Variants in CACNA2D3 observed in about 807,000 individuals in gnomAD.
The protein encoded by CACNA2D3 is calcium voltage-gated channel auxiliary subunit alpha2delta 3.
In CACNA2D3, 60 loss-of-function variants were observed where a neutral mutation model predicts 160.6. The ratio of observed to expected loss-of-function variants is 0.37; its 90% CI spans 0.30 to 0.46. The LOEUF is 0.46. Among genes scored for constraint, CACNA2D3 ranks in the 20% least tolerant of loss-of-function variants. The pLI is 1.00. For missense variants in CACNA2D3, 1,205 were observed against 1,365.0 expected, an observed-to-expected ratio of 0.88 and a Z score of 1.85; for synonymous variants, 558 against 492.9, an observed-to-expected ratio of 1.13 and a Z score of -1.75.
chr3:54,337,952 C>G (rs1162929338), intron 3 of CACNA2D3, among the ~76,000 whole-genome samples: 5 of 152,220 alleles, frequency 3.3e-5, no homozygotes, highest in Non-Finnish European at 7.3e-5. Flanking sequence ...AAGACACAGG[C>G]TGCCACTTGC....
chr3:54,608,752 G>A (rs1466925554), intron 9 of CACNA2D3, among the ~76,000 whole-genome samples: 3 of 152,190 alleles, frequency 2.0e-5, no homozygotes, highest in East Asian at 1.9e-4. Flanking sequence ...ATTTCTTTGC[G>A]CAATAAAGTA....
intron 13 of CACNA2D3, among the ~76,000 whole-genome samples, chr3:54,779,066 G>A (rs1008705944): frequency 6.6e-6 from 1 of 151,944 alleles, no homozygotes; most frequent in East Asian, 1.9e-4. Context: ...TTTGCCCACC[G>A]TTATGATGTT....
At chr3:54,972,271 A>T (rs1273869792) in intron 29 of CACNA2D3, among the ~76,000 whole-genome samples, 1 of 152,190 alleles carries the variant, frequency 6.6e-6, no homozygotes, top group Non-Finnish European at 1.5e-5. Flanking sequence ...ACTTGATCTG[A>T]TGCTCAAATA....
At chr3:55,052,191 T>G (rs1361775336) in intron 35 of CACNA2D3, among the ~76,000 whole-genome samples, 2 of 152,184 alleles carry the variant, frequency 1.3e-5, no homozygotes, top group Non-Finnish European at 2.9e-5. Context: ...TCTTTGACCT[T>G]GAGGTTATTT....
chr3:54,392,154 C>T (rs891573191), intron 4 of CACNA2D3, among the ~76,000 whole-genome samples: 19 of 152,058 alleles, frequency 1.2e-4, no homozygotes, highest in African/African-American at 4.1e-4. Context: ...AACCCAATTC[C>T]AGGTGGAGAA....
chr3:54,832,420 G>A (rs1703901340), intron 14 of CACNA2D3, among the ~76,000 whole-genome samples: 1 of 152,104 alleles, frequency 6.6e-6, no homozygotes, highest in Admixed American at 6.5e-5. Context: ...AAAGGAAGTG[G>A]GTGATACCTG....
At chr3:55,037,856 A>G (rs759359216) in intron 35 of CACNA2D3, among the ~76,000 whole-genome samples, 1 of 152,236 alleles carries the variant, frequency 6.6e-6, no homozygotes, top group Admixed American at 6.5e-5. Flanking sequence ...GAAAGTAAAT[A>G]TATTTTATTA....
At chr3:54,336,094 C>G (rs2107522034) in intron 3 of CACNA2D3, among the ~76,000 whole-genome samples, 1 of 147,234 alleles carries the variant, frequency 6.8e-6, no homozygotes, top group Non-Finnish European at 1.5e-5. Flanking sequence ...CTAGAAGAAA[C>G]TCTGCCTCCT....
intron 17 of CACNA2D3, among the ~76,000 whole-genome samples, chr3:54,862,336 A>G (rs1316467479): frequency 1.3e-5 from 2 of 152,008 alleles, no homozygotes; most frequent in Non-Finnish European, 2.9e-5. Flanking sequence ...GAAAAGCAAA[A>G]CAAAATAAAG....
chr3:54,636,040 G>A (rs1177710428), intron 10 of CACNA2D3, among the ~76,000 whole-genome samples: 1 of 151,944 alleles, frequency 6.6e-6, no homozygotes, highest in Non-Finnish European at 1.5e-5. Context: ...AGCTTGATGT[G>A]TAGGGAAGGG....
At chr3:54,256,903 A>G (rs1702307865) in intron 2 of CACNA2D3, among the ~76,000 whole-genome samples, 1 of 152,214 alleles carries the variant, frequency 6.6e-6, no homozygotes, top group Non-Finnish European at 1.5e-5. Context: ...TATGGAGGGT[A>G]GTTTTCCACA....
intron 2 of CACNA2D3, among the ~76,000 whole-genome samples, chr3:54,285,254 C>A (rs1355836541): frequency 6.6e-6 from 1 of 152,160 alleles, no homozygotes; most frequent in African/African-American, 2.4e-5. Flanking sequence ...TTCCAACGGG[C>A]TTAAAAAACG....
rs548399076 is a variant in CACNA2D3 at position 54,681,185 on chromosome 3, A to G, written c.1167+38944A>G. 6.8e-4 allele frequency among the ~76,000 whole-genome samples: 104 copies of G among 151,922 alleles called. 2 individuals carry two copies. Among genetic ancestry groups the G allele is most frequent in the Admixed American group, 5.7e-3 (87 of 15,258 alleles). On this transcript the variant is annotated intron_variant, in intron 11 of 37. Transcript: ENST00000474759. ...GTAGACAAAACTCTGACTTGTGACC[A>G]TATCTCTCAAGTCTATTATACCATG...
chr3:54,732,577 T>G (rs1005085258), intron 11 of CACNA2D3, among the ~76,000 whole-genome samples: 6 of 152,232 alleles, frequency 3.9e-5, no homozygotes, highest in African/African-American at 1.4e-4. Flanking sequence ...GTCATATTAA[T>G]TTTGTGTTAA....
chr3:54,501,526 C>A (rs1003347858), intron 4 of CACNA2D3, among the ~76,000 whole-genome samples: 7 of 151,920 alleles, frequency 4.6e-5, no homozygotes, highest in African/African-American at 1.7e-4. Flanking sequence ...CCTCGTTCAG[C>A]CTCCTAAGTA....
intron 5 of CACNA2D3, among the ~76,000 whole-genome samples, chr3:54,516,268 C>G (rs1701549492): frequency 6.6e-6 from 1 of 152,170 alleles, no homozygotes; most frequent in African/African-American, 2.4e-5. Flanking sequence ...ACTTGATGAC[C>G]TTTCTTATTT....
At chr3:54,457,722 A>G (rs1444468968) in intron 4 of CACNA2D3, among the ~76,000 whole-genome samples, 1 of 152,016 alleles carries the variant, frequency 6.6e-6, no homozygotes, top group African/African-American at 2.4e-5. Flanking sequence ...TTTGCTTTAC[A>G]TGTAAATATA....
chr3:54,459,747 C>G (rs1016095658), intron 4 of CACNA2D3, among the ~76,000 whole-genome samples: 1 of 152,060 alleles, frequency 6.6e-6, no homozygotes, highest in African/African-American at 2.4e-5. Context: ...ATGGTAGTTT[C>G]TTTTGCTGTG....
At chr3:54,650,314 C>T (rs1418263565) in intron 11 of CACNA2D3, among the ~76,000 whole-genome samples, 1 of 151,928 alleles carries the variant, frequency 6.6e-6, no homozygotes, top group East Asian at 1.9e-4. Context: ...TTACTCATGC[C>T]TCAGCCTCCC....
Sources: gnomAD v4.1 joint callset for allele counts (sites outside exome capture counted in the v4.1 genomes callset) on GRCh38, gnomAD v4.1.1 for gene constraint, MANE v1.5 for transcripts, NCBI Gene and HGNC (gene_info 2026-07-23, HGNC 2026-07-21) for gene names.